The following TBC1D5 variants were observed in gnomAD, a reference collection of about 807,000 sequenced individuals.
TBC1D5 encodes TBC1 domain family, member 5.
TBC1D5 carries 75 observed loss-of-function variants against 100.3 expected under a neutral mutation model. The ratio of observed to expected loss-of-function variants is 0.75; its 90% CI spans 0.62 to 0.91. The LOEUF is 0.91. TBC1D5 is among the 40% of genes least tolerant of loss of function. The pLI is 0.00. For missense variants in TBC1D5, 910 were observed against 942.4 expected (o/e 0.97, Z 0.45); for synonymous variants, 323 against 325.6 (o/e 0.99, Z 0.09).
At chr3:17,340,184 C>G (rs1029933624) in intron 13 of TBC1D5, among the ~76,000 whole-genome samples, 7 of 152,126 alleles carry the variant, frequency 4.6e-5, no homozygotes, top group African/African-American at 1.7e-4. Context: ...TTCTGTGTTT[C>G]CATTTCATGT....
chr3:17,582,927 A>G (rs1486810078), intron 2 of TBC1D5, among the ~76,000 whole-genome samples: 1 of 152,160 alleles, frequency 6.6e-6, no homozygotes, highest in Non-Finnish European at 1.5e-5. Flanking sequence ...TGGAGAGAAA[A>G]CAGAACTGAA....
intron 1 of TBC1D5, among the ~76,000 whole-genome samples, chr3:17,646,008 T>C (rs11915560): frequency 0.071 from 10,857 of 152,136 alleles, 787 homozygotes; most frequent in African/African-American, 0.19. Context: ...ATCCCTAGTG[T>C]CACACAGAGA....
chr3:17,279,083 G>A (rs1173364563), intron 15 of TBC1D5, among the ~76,000 whole-genome samples: 1 of 152,170 alleles, frequency 6.6e-6, no homozygotes, highest in Non-Finnish European at 1.5e-5. Flanking sequence ...GAGATAAATT[G>A]CTTATGTTTT....
intron 3 of TBC1D5, among the ~76,000 whole-genome samples, chr3:17,439,705 T>A (rs2094607390): frequency 6.6e-6 from 1 of 152,192 alleles, no homozygotes; most frequent in Non-Finnish European, 1.5e-5. Flanking sequence ...ATCCACGAAT[T>A]GATATGTATC....
intron 19 of TBC1D5, among the ~76,000 whole-genome samples, chr3:17,178,050 T>C (rs903024419): frequency 2.0e-5 from 3 of 150,692 alleles, no homozygotes; most frequent in Admixed American, 1.3e-4. Flanking sequence ...ATTCTTTTTA[T>C]GGCTGAATAG....
chr3:17,698,180 G>A (rs2072467818), intron 1 of TBC1D5, among the ~76,000 whole-genome samples: 1 of 152,174 alleles, frequency 6.6e-6, no homozygotes, highest in Non-Finnish European at 1.5e-5. Flanking sequence ...GCATGGTACT[G>A]GTCCCAAAAC....
intron 19 of TBC1D5, among the ~76,000 whole-genome samples, chr3:17,179,780 C>G (rs545287144): frequency 2.4e-4 from 36 of 152,172 alleles, no homozygotes; most frequent in Non-Finnish European, 4.7e-4. Flanking sequence ...ATTTAACCAT[C>G]TAATTATCTG....
At chr3:17,505,537 C>T (rs1412132514) in intron 3 of TBC1D5, among the ~76,000 whole-genome samples, 1 of 152,138 alleles carries the variant, frequency 6.6e-6, no homozygotes, top group South Asian at 2.1e-4. Flanking sequence ...GGATCCCCTA[C>T]AGAAAAATTT....
intron 1 of TBC1D5, among the ~76,000 whole-genome samples, chr3:17,680,819 GT>G (rs2069345967): frequency 6.6e-6 from 1 of 151,230 alleles, no homozygotes; most frequent in Non-Finnish European, 1.5e-5. Context: ...GTACAACAGG[GT>G]CCCCTTTTTT....
chr3:17,498,149 C>T (rs1259298321), intron 3 of TBC1D5, among the ~76,000 whole-genome samples: 3 of 152,024 alleles, frequency 2.0e-5, no homozygotes, highest in African/African-American at 7.2e-5. Context: ...AAATGTAAAA[C>T]CAGCTTGAAG....
chr3:17,492,203 C>T (rs1379076874), intron 3 of TBC1D5, among the ~76,000 whole-genome samples: 3 of 152,020 alleles, frequency 2.0e-5, no homozygotes, highest in African/African-American at 7.2e-5. Flanking sequence ...AGCAGTCTAT[C>T]TATTTTATTA....
In TBC1D5 at chr3:17,497,131, CA is replaced by C. The variant is rs1560023057; in HGVS notation, c.97+11342del. Among the ~76,000 whole-genome samples, 607 of 135,590 alleles carry C rather than the reference CA, an allele frequency of 4.5e-3. 7 individuals are homozygous for C. The highest frequency in any genetic ancestry group is 0.016 in the South Asian group (66 of 4,256). The allele number at this position is 135,590 out of a possible 152,430, so 89.0% of individuals were successfully genotyped here. A position where few individuals can be genotyped will look rare whatever the true frequency, so the allele number is the denominator to read the frequency against. Reference sequence around the variant, plus strand: ...ACACACACACACACACACACACACACACACACCATCCTTGTATATCTGCATA... The same window carrying C: ...ACACACACACACACACACACACACACCACACCATCCTTGTATATCTGCATA... On this transcript the variant is annotated intron_variant, in intron 3 of 21. Coordinates refer to ENST00000253692, the Ensembl canonical transcript of TBC1D5.
intron 4 of TBC1D5, among the ~76,000 whole-genome samples, chr3:17,427,346 C>T (rs548647006): frequency 6.4e-4 from 98 of 151,992 alleles, no homozygotes; most frequent in South Asian, 6.2e-3. Flanking sequence ...TTCTGAAATT[C>T]ATAAACAAAT....
At chr3:17,177,018 A>G (rs1305387239) in intron 19 of TBC1D5, among the ~76,000 whole-genome samples, 3 of 152,192 alleles carry the variant, frequency 2.0e-5, no homozygotes, top group Non-Finnish European at 4.4e-5. Flanking sequence ...CAATATCTAC[A>G]TCCAGCAGTT....
At chr3:17,474,896 C>A (rs2095420156) in intron 3 of TBC1D5, among the ~76,000 whole-genome samples, 2 of 151,864 alleles carry the variant, frequency 1.3e-5, no homozygotes, top group Non-Finnish European at 2.9e-5. Context: ...CAAGCAAAGC[C>A]CAGTTGCATT....
chr3:17,321,121 G>A (rs1379675991), intron 13 of TBC1D5, among the ~76,000 whole-genome samples: 6 of 152,226 alleles, frequency 3.9e-5, no homozygotes, highest in African/African-American at 7.2e-5. Flanking sequence ...AGGCTGGAGT[G>A]CAGTGGCCCA....
upstream of TBC1D5, among the ~76,000 whole-genome samples, chr3:17,741,102 C>T (rs555221254): frequency 6.6e-6 from 1 of 152,208 alleles, no homozygotes; most frequent in African/African-American, 2.4e-5. Flanking sequence ...TTTATTTGCA[C>T]ACAAGTTATC....
At chr3:17,533,996 C>A (rs1397652897) in intron 2 of TBC1D5, among the ~76,000 whole-genome samples, 1 of 152,106 alleles carries the variant, frequency 6.6e-6, no homozygotes, top group African/African-American at 2.4e-5. Context: ...AAGTCCAGCA[C>A]TGTATTTTCT....
At chr3:17,678,443 G>A (rs2068930156) in intron 1 of TBC1D5, among the ~76,000 whole-genome samples, 1 of 151,808 alleles carries the variant, frequency 6.6e-6, no homozygotes, top group Non-Finnish European at 1.5e-5. Context: ...ATTTCACAAG[G>A]ACAAAAAAGT....
Sources: allele counts gnomAD v4.1 joint callset (sites outside exome capture counted in the v4.1 genomes callset), GRCh38; gene constraint gnomAD v4.1.1; transcripts MANE v1.5; gene names NCBI Gene and HGNC (gene_info 2026-07-23, HGNC 2026-07-21).